CHST8: variants seen among roughly 807,000 people sequenced by gnomAD.
CHST8 encodes the protein carbohydrate sulfotransferase 8.
CHST8 carries 10 observed loss-of-function variants against 15.0 expected under a neutral mutation model. The ratio of observed to expected loss-of-function variants is 0.67; its 90% CI spans 0.41 to 1.13. The LOEUF (loss-of-function observed/expected upper bound fraction) is 1.13. CHST8 is among the 50% of genes most tolerant of loss of function. The pLI, the probability that CHST8 is intolerant of heterozygous loss-of-function variation, is 0.00. For missense variants in CHST8, 634 were observed against 608.2 expected, an observed-to-expected ratio of 1.04 and a Z score of -0.45; for synonymous variants, 259 against 256.6, an observed-to-expected ratio of 1.01 and a Z score of -0.09.
chr19:33,656,529 T>G (rs887388951), intron 1 of CHST8, among the ~76,000 whole-genome samples: 4 of 152,228 alleles, frequency 2.6e-5, no homozygotes, highest in African/African-American at 9.6e-5. Flanking sequence ...TCAGCTTCAT[T>G]TTTTTGGTTT....
At chr19:33,628,126 G>A (rs1404511326) in intron 1 of CHST8, among the ~76,000 whole-genome samples, 2 of 152,110 alleles carry the variant, frequency 1.3e-5, no homozygotes, top group African/African-American at 4.8e-5. Flanking sequence ...AACTAAGCAG[G>A]GTTGGTGGGG....
chr19:33,721,246 C>T (rs1036910738), intron 3 of CHST8, among the ~76,000 whole-genome samples: 1 of 152,184 alleles, frequency 6.6e-6, no homozygotes, highest in South Asian at 2.1e-4. Context: ...TTTGCCTTGA[C>T]ACCAGAAGAT....
intron 3 of CHST8, among the ~76,000 whole-genome samples, chr19:33,752,928 A>AT (rs1050059662): frequency 5.3e-5 from 8 of 152,128 alleles, no homozygotes; most frequent in Middle Eastern, 3.4e-3. Context: ...ACAAACAACA[A>AT]TTTTTTTGCC....
intron 3 of CHST8, among the ~76,000 whole-genome samples, chr19:33,769,718 C>T (rs80217831): frequency 0.085 from 12,946 of 152,108 alleles, 790 homozygotes; most frequent in Non-Finnish European, 0.13. Context: ...TTACACCCCA[C>T]ACCCTGAAGG....
chr19:33,756,794 C>T (rs573694215), intron 3 of CHST8, among the ~76,000 whole-genome samples: 1 of 152,336 alleles, frequency 6.6e-6, no homozygotes, highest in South Asian at 2.1e-4. Flanking sequence ...CCCCAGTCAC[C>T]TCCAGAATGA....
chr19:33,649,057 C>A lies in CHST8; in HGVS notation c.-163-18710C>A, dbSNP rs371809905. ...TAGCTGGGACTACAGGCGCCCGCAA[C>A]TAAGCCCGGCTAATTTTTGTATTTT... On this transcript the variant is annotated intron_variant, in intron 1 of 4. Transcript: ENST00000650847. Among the ~76,000 whole-genome samples, 37 of 151,958 alleles carry A rather than the reference C, an allele frequency of 2.4e-4. No homozygotes were observed. The East Asian group carries it at 7.2e-3, about 29-fold the overall frequency.
At chr19:33,720,770 AC>A (rs1973775016) in intron 3 of CHST8, among the ~76,000 whole-genome samples, 1 of 151,978 alleles carries the variant, frequency 6.6e-6, no homozygotes, top group African/African-American at 2.4e-5. Context: ...GCAGGCCCCC[AC>A]TCCCCTATCC....
intron 2 of CHST8, among the ~76,000 whole-genome samples, chr19:33,674,149 T>TGGGATGGA (rs1972780021): frequency 6.6e-6 from 1 of 152,162 alleles, no homozygotes; most frequent in African/African-American, 2.4e-5. Flanking sequence ...CTCCTTGCAC[T>TGGGATGGA]GGGATGGAGG....
intron 3 of CHST8, among the ~76,000 whole-genome samples, chr19:33,739,831 T>C (rs1163251822): frequency 1.3e-5 from 2 of 152,104 alleles, no homozygotes; most frequent in Non-Finnish European, 2.9e-5. Context: ...CAAAAAGAGA[T>C]GGTCAAAGAA....
intron 3 of CHST8, among the ~76,000 whole-genome samples, chr19:33,700,154 G>C (rs944246941): frequency 6.6e-6 from 1 of 152,140 alleles, no homozygotes; most frequent in Non-Finnish European, 1.5e-5. Flanking sequence ...TGCTTTCCCC[G>C]GGCAGGTGGG....
chr19:33,648,902 C>CTTTTTTTTT (rs376386370), intron 1 of CHST8, among the ~76,000 whole-genome samples: 41 of 99,964 alleles, frequency 4.1e-4, no homozygotes, highest in African/African-American at 6.0e-4. Flanking sequence ...GAATGAAGCA[C>CTTTTTTTTT]TTTTTTTTTT....
chr19:33,643,192 C>T (rs1171024228), intron 1 of CHST8, among the ~76,000 whole-genome samples: 4 of 152,170 alleles, frequency 2.6e-5, no homozygotes, highest in East Asian at 1.9e-4. Context: ...CCAAGCGGTG[C>T]GTGAGCGGGC....
chr19:33,740,808 A>G (rs1365406992), intron 3 of CHST8, among the ~76,000 whole-genome samples: 1 of 152,168 alleles, frequency 6.6e-6, no homozygotes, highest in African/African-American at 2.4e-5. Flanking sequence ...ACTTATCGGC[A>G]TCTTGTGGGG....
At chr19:33,695,419 T>C (rs1170502560) in intron 3 of CHST8, among the ~76,000 whole-genome samples, 1 of 152,226 alleles carries the variant, frequency 6.6e-6, no homozygotes, top group East Asian at 1.9e-4. Context: ...TTTACTACTT[T>C]TAAAATTTCA....
chr19:33,770,059 A>T (rs1233036388), intron 3 of CHST8, among the ~76,000 whole-genome samples: 1 of 152,090 alleles, frequency 6.6e-6, no homozygotes, highest in East Asian at 1.9e-4. Context: ...ACTGAAGGAG[A>T]CGTGCGGGCA....
intron 1 of CHST8, among the ~76,000 whole-genome samples, chr19:33,623,329 T>G (rs1245844900): frequency 6.6e-6 from 1 of 152,132 alleles, no homozygotes; most frequent in Non-Finnish European, 1.5e-5. Flanking sequence ...TCTGCGTCCC[T>G]GGGCCACTCC....
intron 3 of CHST8, among the ~76,000 whole-genome samples, chr19:33,763,814 A>T (rs746657775): frequency 7.2e-5 from 11 of 152,230 alleles, no homozygotes; most frequent in Admixed American, 2.6e-4. Context: ...CATGGGGACA[A>T]TGTGTCCCTC....
At chr19:33,632,147 T>G (rs200015740) in intron 1 of CHST8, among the ~76,000 whole-genome samples, 7 of 129,888 alleles carry the variant, frequency 5.4e-5, no homozygotes, top group Non-Finnish European at 8.9e-5. Flanking sequence ...CTCTTTTTTT[T>G]TTTTTTTTTC....
rs537215132 is a variant in CHST8, at chr19:33,772,222, G to A, written c.434G>A (p.Arg145His). The A allele has an allele frequency of 2.5e-6, 4 of 1,595,576 alleles. No homozygotes were observed. The highest frequency in any genetic ancestry group is 1.1e-5 in the South Asian group (1 of 90,122). Residue 145 changes from arginine to histidine, a missense_variant, in exon 5 of 5, where the codon CGC becomes CAC. Arg to His is a conservative substitution (Grantham distance 29). Coordinates refer to ENST00000650847, the MANE Select transcript of CHST8 (RefSeq NM_001127895.2). Reference sequence around the variant, plus strand: ...CCGGGACCCGGGACGCTGGATGGCCGCTGGGTCAGCCTGCACCGGAGCCAG... The same window carrying A: ...CCGGGACCCGGGACGCTGGATGGCCACTGGGTCAGCCTGCACCGGAGCCAG... ...IRPGPGTLDG[R>H]WVSLHRSQQE...
Sources: allele counts gnomAD v4.1 joint callset (sites outside exome capture counted in the v4.1 genomes callset), GRCh38; gene constraint gnomAD v4.1.1; transcripts MANE v1.5; gene names NCBI Gene and HGNC (gene_info 2026-07-23, HGNC 2026-07-21).